The following WDR37 variants were observed in gnomAD, a reference collection of about 807,000 sequenced individuals.
The protein encoded by WDR37 is WD repeat-containing protein 37.
A neutral mutation model predicts 62.9 loss-of-function variants in WDR37; 19 were observed. The ratio of observed to expected loss-of-function variants is 0.30; its 90% CI spans 0.21 to 0.44. The LOEUF (loss-of-function observed/expected upper bound fraction) is 0.44. Ranked by LOEUF, WDR37 falls within the 20% of genes least tolerant of loss-of-function variation. The pLI, the probability that WDR37 is intolerant of heterozygous loss-of-function variation, is 1.00. For synonymous variants in WDR37, 250 were observed against 260.9 expected (o/e 0.96, Z 0.40); for missense variants, 474 against 657.6 (o/e 0.72, Z 3.05).
intron 1 of WDR37, among the ~76,000 whole-genome samples, chr10:1,065,420 GTAAA>G (rs1389999436): frequency 6.6e-6 from 1 of 152,028 alleles, no homozygotes; most frequent in Non-Finnish European, 1.5e-5. Context: ...AATACTGTAG[GTAAA>G]TAAATATGAA....
chr10:1,126,762 C>G (rs1015085266), intron 13 of WDR37, among the ~76,000 whole-genome samples: 1 of 152,204 alleles, frequency 6.6e-6, no homozygotes, highest in African/African-American at 2.4e-5. Context: ...CTCAGCGCAG[C>G]AACACCTTTT....
rs577821346 is a variant in WDR37 at position 1,101,856 on chromosome 10, A to G, written c.727-1746A>G. ...CCTCCTCAGTAATTCTGTGTGAAATAGCGCCCCCATCCAGCTGCCCCTTGT... is the reference window on the plus strand; with the variant it reads ...CCTCCTCAGTAATTCTGTGTGAAATGGCGCCCCCATCCAGCTGCCCCTTGT... On this transcript the variant is annotated intron_variant, in intron 9 of 13. Transcript: ENST00000263150. 9.9e-5 allele frequency among the ~76,000 whole-genome samples: 15 copies of G among 152,270 alleles called. No individual in the cohort carries two copies. The East Asian group carries it at 2.9e-3, about 29-fold the overall frequency.
chr10:1,075,784 CTT>C (rs11387795), intron 2 of WDR37, among the ~76,000 whole-genome samples: 11 of 140,928 alleles, frequency 7.8e-5, no homozygotes, highest in Admixed American at 2.8e-4. Flanking sequence ...ATTGGAACTT[CTT>C]TTTTTTTTTT....
chr10:1,063,522 G>C (rs950908017), intron 1 of WDR37, among the ~76,000 whole-genome samples: 5 of 152,212 alleles, frequency 3.3e-5, no homozygotes, highest in African/African-American at 1.2e-4. Flanking sequence ...CTCATGACAA[G>C]CTGGGATGAG....
chr10:1,059,103 T>G (rs959237129), intron 1 of WDR37, among the ~76,000 whole-genome samples: 1 of 152,186 alleles, frequency 6.6e-6, no homozygotes, highest in Non-Finnish European at 1.5e-5. Context: ...TGGCAGGGCG[T>G]GGTGGCTCAT....
At chr10:1,119,722 T>G (rs1298731435) in intron 11 of WDR37, among the ~76,000 whole-genome samples, 1 of 152,258 alleles carries the variant, frequency 6.6e-6, no homozygotes. Flanking sequence ...GAGGCGTCAC[T>G]GGAGTGACTT....
chr10:1,114,965 C>G (rs967925741), intron 11 of WDR37, among the ~76,000 whole-genome samples: 5 of 152,106 alleles, frequency 3.3e-5, no homozygotes, highest in African/African-American at 1.2e-4. Flanking sequence ...AGCCTCAGCC[C>G]TCAGACCTCC....
At chr10:1,079,550 T>C (rs1275853418) in intron 3 of WDR37, among the ~76,000 whole-genome samples, 1 of 151,908 alleles carries the variant, frequency 6.6e-6, no homozygotes, top group Non-Finnish European at 1.5e-5. Context: ...TCTTTTTTTT[T>C]TTGAGATGGA....
chr10:1,120,898 G>C (rs183643439), intron 11 of WDR37, among the ~76,000 whole-genome samples: 1 of 152,376 alleles, frequency 6.6e-6, no homozygotes, highest in Non-Finnish European at 1.5e-5. Context: ...GAGGATGCCA[G>C]CTTCGCGGCG....
intron 13 of WDR37, 142 bp from the exon 14 acceptor site, chr10:1,129,071 G>A: frequency 8.4e-7 from 1 of 1,186,904 alleles, no homozygotes. Flanking sequence ...GTGCTCGGTG[G>A]TCCATGGGAC....
At chr10:1,060,037 C>T (rs1028017741) in intron 1 of WDR37, among the ~76,000 whole-genome samples, 3 of 152,112 alleles carry the variant, frequency 2.0e-5, no homozygotes, top group Non-Finnish European at 4.4e-5. Flanking sequence ...CGGGACTTCA[C>T]CATGTTGGCC....
intron 1 of WDR37, among the ~76,000 whole-genome samples, chr10:1,059,504 T>C (rs776405434): frequency 6.6e-6 from 1 of 151,998 alleles, no homozygotes; most frequent in Non-Finnish European, 1.5e-5. Flanking sequence ...ATTGGAAATA[T>C]TGAAAAGAAT....
At position 1,117,146 on chromosome 10, in the gene WDR37, CT is replaced by C. The variant is rs1336727621; in HGVS notation, c.1104-7071del. On this transcript the variant is annotated intron_variant, in intron 11 of 13. Transcript: ENST00000263150. ...CACGGCTCACTGCAATCTCGACTTCCTGGGCTCAAGTGATCCTCCCACCTCA... is the reference window on the plus strand; with the variant it reads ...CACGGCTCACTGCAATCTCGACTTCCGGGCTCAAGTGATCCTCCCACCTCA... Among the ~76,000 whole-genome samples, 3 of 152,256 alleles carry C rather than the reference CT, an allele frequency of 2.0e-5. No individual in the cohort carries two copies. The East Asian group carries it at 5.8e-4, about 29-fold the overall frequency.
At chr10:1,104,727 G>A (rs532192690) in intron 10 of WDR37, among the ~76,000 whole-genome samples, 5 of 152,236 alleles carry the variant, frequency 3.3e-5, no homozygotes, top group African/African-American at 9.6e-5. Flanking sequence ...TTGCTTCTGC[G>A]AATCTATCTC....
chr10:1,109,838 C>T (rs1378097376), intron 11 of WDR37, among the ~76,000 whole-genome samples: 1 of 152,156 alleles, frequency 6.6e-6, no homozygotes. Flanking sequence ...TGAAAAAGTT[C>T]TTACTAATGT....
At position 1,103,552 on chromosome 10, in the gene WDR37, C is replaced by T; in HGVS notation, c.727-50C>T. 6.3e-7 allele frequency: 1 copy of T among 1,588,894 alleles called. No homozygotes were observed. Among genetic ancestry groups the T allele is most frequent in the Non-Finnish European group, 8.6e-7 (1 of 1,162,222 alleles). ...TTTTGTAGCTATGTCAGAAGAAACT[C>T]AAGATTTCCAGGAAATGTCTTTCTT... On this transcript the variant is annotated intron_variant, in intron 9 of 13. Coordinates refer to ENST00000263150, the MANE Select transcript of WDR37 (RefSeq NM_014023.4). This position sits in a 1 kb window ranked among gnomAD's most constrained non-coding sequence, Gnocchi z 6.3.
chr10:1,078,034 T>C, intron 3 of WDR37, 31 bp downstream of exon 3: 3 of 1,493,006 alleles, frequency 2.0e-6, no homozygotes, highest in Non-Finnish European at 2.8e-6. Context: ...TATACTTTTA[T>C]AGCTTTACCT....
At chr10:1,108,846 C>T (rs1835114793) in intron 11 of WDR37, among the ~76,000 whole-genome samples, 1 of 151,540 alleles carries the variant, frequency 6.6e-6, no homozygotes, top group Non-Finnish European at 1.5e-5. Context: ...TGACTCTGGT[C>T]ATCTGTATGG....
intron 7 of WDR37, among the ~76,000 whole-genome samples, chr10:1,090,631 C>T (rs1834353820): frequency 1.3e-5 from 2 of 152,204 alleles, no homozygotes; most frequent in African/African-American, 4.8e-5. Context: ...CGCTCTGGCC[C>T]CCAGGAGAGG....
Sources: gnomAD v4.1 joint callset for allele counts (sites outside exome capture counted in the v4.1 genomes callset) on GRCh38, gnomAD v4.1.1 for gene constraint, Gnocchi (gnomAD v3.1) non-coding constraint, MANE v1.5 for transcripts, NCBI Gene and HGNC (gene_info 2026-07-23, HGNC 2026-07-21) for gene names.